RNF125: variants seen among roughly 807,000 people sequenced by gnomAD.
RNF125 encodes E3 ubiquitin-protein ligase RNF125.
In RNF125, 21 loss-of-function variants were observed where a neutral mutation model predicts 26.0. The observed-to-expected ratio is 0.81, with a 90% confidence interval of 0.57 to 1.16. RNF125 has a LOEUF of 1.16. Among genes scored for constraint, RNF125 ranks in the 50% most tolerant of loss-of-function variants. The pLI, the probability that RNF125 is intolerant of heterozygous loss-of-function variation, is 0.00. For synonymous variants in RNF125, 95 were observed against 109.2 expected, an observed-to-expected ratio of 0.87 and a Z score of 0.81; for missense variants, 270 against 299.4, an observed-to-expected ratio of 0.90 and a Z score of 0.72.
At chr18:32,026,126 G>A (rs1024102949) in intron 1 of RNF125, among the ~76,000 whole-genome samples, 25 of 147,902 alleles carry the variant, frequency 1.7e-4, no homozygotes, top group African/African-American at 6.3e-4. Flanking sequence ...GTGCAACAGC[G>A]CAATCTTGGC....
downstream of RNF125, chr18:32,075,851 C>T (rs2039566710): frequency 1.0e-5 from 8 of 799,838 alleles, no homozygotes; most frequent in South Asian, 1.4e-5. Context: ...TGTATGTCCA[C>T]GAGTCATTTT....
chr18:32,059,821 G>C (rs563429991), intron 4 of RNF125, among the ~76,000 whole-genome samples: 3 of 151,854 alleles, frequency 2.0e-5, no homozygotes, highest in Non-Finnish European at 4.4e-5. Flanking sequence ...ATACTATCTT[G>C]ACCAGCATTG....
chr18:32,049,387 T>G (rs1481235264), intron 4 of RNF125, among the ~76,000 whole-genome samples: 1 of 152,202 alleles, frequency 6.6e-6, no homozygotes, highest in African/African-American at 2.4e-5. Flanking sequence ...TTCATGCCTT[T>G]TTCACAAGTA....
chr18:32,043,351 C>T (rs1598816300), intron 3 of RNF125, among the ~76,000 whole-genome samples: 1 of 152,282 alleles, frequency 6.6e-6, no homozygotes, highest in Non-Finnish European at 1.5e-5. Context: ...TATAATTTCT[C>T]TCTCCCAGAG....
chr18:32,054,086 CTTTTTTTTTTT>C (rs35616121), intron 4 of RNF125, among the ~76,000 whole-genome samples: 246 of 88,370 alleles, frequency 2.8e-3, no homozygotes, highest in Middle Eastern at 0.026. Context: ...GACATTTGTA[CTTTTTTTTTTT>C]TTTTTTTTTT....
At chr18:32,028,636 G>A (rs938680505) in intron 1 of RNF125, among the ~76,000 whole-genome samples, 16 of 149,034 alleles carry the variant, frequency 1.1e-4, no homozygotes, top group Non-Finnish European at 2.4e-4. Context: ...TCCGGCTGGG[G>A]TGCTGTGGCG....
the RNF125 span, among the ~76,000 whole-genome samples, chr18:32,086,219 T>C: frequency 0.021 from 3,133 of 146,928 alleles, 101 homozygotes; most frequent in African/African-American, 0.078. Flanking sequence ...AGTAGATTTG[T>C]CTTTTTTTTT....
chr18:32,042,873 G>T (rs1301753804), intron 3 of RNF125, among the ~76,000 whole-genome samples: 1 of 151,646 alleles, frequency 6.6e-6, no homozygotes, highest in Non-Finnish European at 1.5e-5. Context: ...CATTCGTGGG[G>T]TGTGGTGGCT....
At chr18:32,041,736 T>C (rs1021680839) in intron 2 of RNF125, 1 of 123,232 alleles carries the variant, frequency 8.1e-6, no homozygotes, top group East Asian at 2.4e-4. Context: ...GTTCACGCCA[T>C]TCTCCTGCCT....
intron 4 of RNF125, among the ~76,000 whole-genome samples, chr18:32,055,173 C>T (rs1041624196): frequency 4.0e-5 from 6 of 151,830 alleles, no homozygotes; most frequent in African/African-American, 1.5e-4. Context: ...GTGGTGCACG[C>T]CTGTAATCCC....
chr18:32,038,377 C>G (rs148892450), intron 2 of RNF125, among the ~76,000 whole-genome samples: 57 of 152,204 alleles, frequency 3.7e-4, no homozygotes, highest in African/African-American at 1.3e-3. Context: ...CATATATCAT[C>G]TGCAGAAAAC....
At chr18:32,048,645 C>A (rs2039296121) in intron 4 of RNF125, among the ~76,000 whole-genome samples, 1 of 151,990 alleles carries the variant, frequency 6.6e-6, no homozygotes, top group Non-Finnish European at 1.5e-5. Context: ...TGTGGGAAAC[C>A]CCTGTGGTCT....
At position 32,070,797 on chromosome 18, in the gene RNF125, T is replaced by G. The variant is rs1272556177; in HGVS notation, c.*2413T>G. On this transcript the variant is annotated 3_prime_UTR_variant, in exon 6 of 6. Coordinates refer to ENST00000217740, the MANE Select transcript of RNF125 (RefSeq NM_017831.4). The stretch of plus-strand genomic sequence containing the variant: ...TCGGCTCACTGCAACCTCTGCCTCC[T>G]GGATTCAAGCAATTCTCCTGCCTCA... 1 of 149,828 alleles carries G rather than the reference T, an allele frequency of 6.7e-6. No individual in the cohort carries two copies. Among genetic ancestry groups the G allele is most frequent in the African/African-American group, 2.5e-5 (1 of 40,664 alleles). 9.3% of individuals were successfully genotyped at this position (149,828 alleles called of 1,614,324 possible).
chr18:32,076,961 G>A (rs1338666098), downstream of RNF125, among the ~76,000 whole-genome samples: 1 of 152,034 alleles, frequency 6.6e-6, no homozygotes, highest in Non-Finnish European at 1.5e-5. Flanking sequence ...TTACTGTAAT[G>A]TCTCCATAAC....
intron 4 of RNF125, 24 bp from the exon 5 acceptor site, chr18:32,065,878 A>G: frequency 6.8e-7 from 1 of 1,478,320 alleles, no homozygotes; most frequent in Non-Finnish European, 9.4e-7. Context: ...TCTTTCTTGA[A>G]CCCCTGGTCT....
intron 4 of RNF125, among the ~76,000 whole-genome samples, chr18:32,048,462 C>CAAA (rs55901830): frequency 7.4e-4 from 110 of 148,308 alleles, no homozygotes; most frequent in East Asian, 3.0e-3. Context: ...AAACCTGTCT[C>CAAA]AAAAAAAAAG....
intron 1 of RNF125, among the ~76,000 whole-genome samples, chr18:32,035,248 A>C (rs951702988): frequency 4.6e-5 from 7 of 152,216 alleles, no homozygotes; most frequent in Admixed American, 3.9e-4. Flanking sequence ...CAACAAGTAG[A>C]TGTCTCAATC....
downstream of RNF125, among the ~76,000 whole-genome samples, chr18:32,076,442 A>C (rs545284676): frequency 6.6e-6 from 1 of 151,730 alleles, no homozygotes; most frequent in African/African-American, 2.4e-5. Flanking sequence ...CACCCTCCCT[A>C]GTAGCTGGGA....
intron 1 of RNF125, among the ~76,000 whole-genome samples, chr18:32,033,087 C>CT (rs1164736925): frequency 6.6e-6 from 1 of 152,190 alleles, no homozygotes; most frequent in East Asian, 1.9e-4. Context: ...AGTGGCATCA[C>CT]TGGAAAGTCC....
Sources: allele counts gnomAD v4.1 joint callset (sites outside exome capture counted in the v4.1 genomes callset), GRCh38; gene constraint gnomAD v4.1.1; transcripts MANE v1.5; gene names NCBI Gene and HGNC (gene_info 2026-07-23, HGNC 2026-07-21).